Variants in PPM1H observed in about 807,000 individuals in gnomAD.
PPM1H encodes the protein protein phosphatase 1H.
In PPM1H, 27 loss-of-function variants were observed where a neutral mutation model predicts 54.9. The ratio of observed to expected loss-of-function variants is 0.49; its 90% CI spans 0.36 to 0.68. The LOEUF (loss-of-function observed/expected upper bound fraction) is 0.68. Among genes scored for constraint, PPM1H ranks in the 30% least tolerant of loss-of-function variants. The pLI, the probability that PPM1H is intolerant of heterozygous loss-of-function variation, is 0.00. For synonymous variants in PPM1H, 305 were observed against 270.8 expected, an observed-to-expected ratio of 1.13 and a Z score of -1.24; for missense variants, 596 against 667.8, an observed-to-expected ratio of 0.89 and a Z score of 1.19.
chr12:62,921,221 G>A (rs539713399), intron 1 of PPM1H, among the ~76,000 whole-genome samples: 25 of 152,036 alleles, frequency 1.6e-4, no homozygotes, highest in Non-Finnish European at 2.9e-4. Flanking sequence ...GAGCCACCAC[G>A]CCCGTTCATA....
At chr12:62,711,586 T>C (rs2076206914) in intron 6 of PPM1H, among the ~76,000 whole-genome samples, 1 of 152,146 alleles carries the variant, frequency 6.6e-6, no homozygotes, top group Non-Finnish European at 1.5e-5. Context: ...ATCACATACA[T>C]ACTGTACAAC....
rs369115079 is a variant in PPM1H, at chr12:62,712,927, C to T, written c.1073+7244G>A. ...TCAATAAATCAATTTATATTAAATG[C>T]GGGCGCAGCTCTGGAGTTGGCTTCA... On this transcript the variant is annotated intron_variant, in intron 6 of 9. Coordinates refer to ENST00000228705, the MANE Select transcript of PPM1H (RefSeq NM_020700.2). Among the ~76,000 whole-genome samples the T allele has an allele frequency of 1.2e-3, 182 of 152,318 alleles. 2 individuals are homozygous for T. The Middle Eastern group carries it at 0.017, about 14-fold the overall frequency.
intron 9 of PPM1H, chr12:62,659,290 A>AAAAAAAAAAAG: frequency 2.1e-6 from 1 of 482,060 alleles, no homozygotes; most frequent in South Asian, 2.4e-5. Context: ...AAAAAAAAAA[A>AAAAAAAAAAAG]AGAGAAAAAC....
chr12:62,788,055 G>A (rs1466241419), intron 4 of PPM1H, among the ~76,000 whole-genome samples, 171 bp downstream of exon 4: 1 of 152,218 alleles, frequency 6.6e-6, no homozygotes, highest in Non-Finnish European at 1.5e-5. Flanking sequence ...ATATGCATAA[G>A]TAAGAGACTG....
chr12:62,878,557 C>T (rs189158120), intron 1 of PPM1H, among the ~76,000 whole-genome samples: 256 of 147,600 alleles, frequency 1.7e-3, no homozygotes, highest in African/African-American at 6.3e-3. Flanking sequence ...AAAAGGGTCC[C>T]ATGGGAGGAT....
At chr12:62,649,166 G>GC (rs994968524) in intron 9 of PPM1H, among the ~76,000 whole-genome samples, 10 of 151,350 alleles carry the variant, frequency 6.6e-5, no homozygotes, top group Non-Finnish European at 1.2e-4. Flanking sequence ...ATACAACCTG[G>GC]CATAAGCATA....
intron 5 of PPM1H, among the ~76,000 whole-genome samples, chr12:62,731,537 C>T (rs2076321080): frequency 6.6e-6 from 1 of 152,134 alleles, no homozygotes; most frequent in Non-Finnish European, 1.5e-5. Context: ...CAAGCAGCAC[C>T]AGGGAAACAG....
chr12:62,659,051 G>T (rs1479374034), intron 9 of PPM1H: 4 of 725,832 alleles, frequency 5.5e-6, no homozygotes, highest in African/African-American at 5.2e-5. Flanking sequence ...GGAAGTTCCT[G>T]ATCCACAGCG....
At chr12:62,795,320 C>T (rs750911242) in intron 3 of PPM1H, among the ~76,000 whole-genome samples, 19 of 151,978 alleles carry the variant, frequency 1.3e-4, no homozygotes, top group Non-Finnish European at 2.4e-4. Flanking sequence ...AACAGTGTAT[C>T]CCTTTTGGAA....
At chr12:62,859,878 T>C (rs1355456512) in intron 1 of PPM1H, among the ~76,000 whole-genome samples, 1 of 152,176 alleles carries the variant, frequency 6.6e-6, no homozygotes, top group Non-Finnish European at 1.5e-5. Flanking sequence ...TTAAGAGACA[T>C]TCAAGAGTTA....
chr12:62,876,821 G>C (rs556386042), intron 1 of PPM1H, among the ~76,000 whole-genome samples: 1 of 152,102 alleles, frequency 6.6e-6, no homozygotes, highest in African/African-American at 2.4e-5. Flanking sequence ...CCAACATCCC[G>C]TTATGTAAGT....
rs190582154 is a variant in PPM1H at position 62,687,530 on chromosome 12, T to C, written c.1245+2169A>G. Among the ~76,000 whole-genome samples, 160 of 151,934 alleles carry C rather than the reference T, an allele frequency of 1.1e-3. 1 individual carries two copies. Among genetic ancestry groups the C allele is most frequent in the African/African-American group, 3.7e-3 (152 of 41,438 alleles). ...CCGCCCAAAGTGCTGGGATTACAGG[T>C]ATGAGCCACCATAGCCGGCCTTCTT... On this transcript the variant is annotated intron_variant, in intron 8 of 9. Coordinates refer to ENST00000228705, the MANE Select transcript of PPM1H (RefSeq NM_020700.2).
chr12:62,648,558 G>T lies in PPM1H; in HGVS notation c.1476C>A (p.Asp492Glu). The change falls in exon 10 of 10, where the codon GAC (aspartate) becomes GAA (glutamate). Residue 492 changes from aspartate (D) to glutamate (E), a missense_variant. Transcript: ENST00000228705. ...AAATGTCGTCTCCTGAGCCCAGTCG[G>T]TCATTAGATATCCGCCATCCTCTGT... ...LKDRGWRISN[D>E]RLGSGDDISV... The T allele has an allele frequency of 1.2e-6, 2 of 1,613,930 alleles. No homozygotes were observed. Among genetic ancestry groups the T allele is most frequent in the South Asian group, 2.2e-5 (2 of 91,080 alleles).
At chr12:62,897,283 C>G (rs1055768981) in intron 1 of PPM1H, among the ~76,000 whole-genome samples, 12 of 152,066 alleles carry the variant, frequency 7.9e-5, no homozygotes, top group African/African-American at 2.7e-4. Flanking sequence ...TCCCTACTCC[C>G]TTGTGCCCTC....
chr12:62,765,876 G>C (rs1216233176), intron 4 of PPM1H, among the ~76,000 whole-genome samples: 1 of 152,204 alleles, frequency 6.6e-6, no homozygotes, highest in Non-Finnish European at 1.5e-5. Flanking sequence ...ATGAGTACCT[G>C]GTCTGGCATT....
At chr12:62,855,530 C>T (rs547635935) in intron 1 of PPM1H, among the ~76,000 whole-genome samples, 7 of 152,116 alleles carry the variant, frequency 4.6e-5, no homozygotes, top group African/African-American at 7.2e-5. Context: ...CAATTAGCAG[C>T]GAGAAAAGAT....
intron 4 of PPM1H, chr12:62,755,862 G>A: frequency 1.3e-6 from 1 of 785,014 alleles, no homozygotes; most frequent in Non-Finnish European, 2.3e-6. Flanking sequence ...GCCTCTACTG[G>A]TGCTGCTAAG....
chr12:62,786,556 C>G (rs1175966900), intron 4 of PPM1H, among the ~76,000 whole-genome samples: 2 of 152,182 alleles, frequency 1.3e-5, no homozygotes, highest in African/African-American at 2.4e-5. Flanking sequence ...CAGCTCCTGC[C>G]CAGTGGTCCC....
chr12:62,755,894 G>A, intron 4 of PPM1H: 1 of 782,790 alleles, frequency 1.3e-6, no homozygotes, highest in Non-Finnish European at 2.3e-6. Flanking sequence ...GGTCATCCCT[G>A]AGCTAAATGG....
Sources: gnomAD v4.1 joint callset for allele counts (sites outside exome capture counted in the v4.1 genomes callset) on GRCh38, gnomAD v4.1.1 for gene constraint, MANE v1.5 for transcripts, NCBI Gene and HGNC (gene_info 2026-07-23, HGNC 2026-07-21) for gene names.